Variants in CERS6 observed in about 807,000 individuals in gnomAD.
The protein encoded by CERS6 is LAG1 homolog, ceramide synthase 6.
CERS6 carries 26 observed loss-of-function variants against 56.8 expected under a neutral mutation model. That is an observed-to-expected ratio of 0.46 (90% CI 0.34 to 0.63). The LOEUF is 0.63. Ranked by LOEUF, CERS6 falls within the 30% of genes least tolerant of loss-of-function variation. The pLI is 0.01. For missense variants in CERS6, 415 were observed against 467.5 expected (o/e 0.89, Z 1.04); for synonymous variants, 164 against 173.3 (o/e 0.95, Z 0.42).
chr2:168,711,339 A>G lies in CERS6; in HGVS notation c.610-3662A>G, dbSNP rs1687083687. On this transcript the variant is annotated intron_variant, in intron 6 of 9. Transcript: ENST00000305747. Reference sequence around the variant, plus strand: ...CTCGCTCCCCGCCACATATACACAAATATGAAATTAGTAAAGACTTAAAGT... The same window carrying G: ...CTCGCTCCCCGCCACATATACACAAGTATGAAATTAGTAAAGACTTAAAGT... 2.0e-5 allele frequency among the ~76,000 whole-genome samples: 3 copies of G among 152,218 alleles called. No individual in the cohort carries two copies. In the South Asian group the frequency reaches 6.2e-4, roughly 31 times the overall value.
At chr2:168,690,334 T>C (rs1042180030) in intron 4 of CERS6, among the ~76,000 whole-genome samples, 3 of 152,320 alleles carry the variant, frequency 2.0e-5, no homozygotes, top group African/African-American at 7.2e-5. Context: ...GTGCTGGTCT[T>C]ATTGGATAAT....
intron 1 of CERS6, among the ~76,000 whole-genome samples, chr2:168,535,661 T>C (rs1695248681): frequency 7.3e-6 from 1 of 136,666 alleles, no homozygotes; most frequent in Non-Finnish European, 1.6e-5. Flanking sequence ...AACAATGTTT[T>C]GATACCAGTT....
chr2:168,717,298 T>G (rs1574186646), intron 7 of CERS6, among the ~76,000 whole-genome samples: 1 of 152,178 alleles, frequency 6.6e-6, no homozygotes, highest in East Asian at 1.9e-4. Context: ...GACACTTTCT[T>G]CATTTCTAAG....
At chr2:168,763,236 CTCTCTT>C (rs1684629030) in intron 8 of CERS6, among the ~76,000 whole-genome samples, 4 of 116,480 alleles carry the variant, frequency 3.4e-5, no homozygotes, top group Non-Finnish European at 5.4e-5. Context: ...CTCTCTCTCT[CTCTCTT>C]TTTTTTTTTT....
intron 1 of CERS6, among the ~76,000 whole-genome samples, chr2:168,510,152 A>G (rs1009127489): frequency 2.9e-4 from 44 of 152,046 alleles, no homozygotes; most frequent in African/African-American, 9.9e-4. Flanking sequence ...AAAGCCTAGA[A>G]TCTGATCCCA....
chr2:168,753,522 T>C (rs545108392), intron 8 of CERS6, among the ~76,000 whole-genome samples: 1 of 152,196 alleles, frequency 6.6e-6, no homozygotes, highest in Admixed American at 6.5e-5. Flanking sequence ...ATTTTGAGCA[T>C]CTTACAATTC....
chr2:168,701,337 A>G (rs959215077), intron 6 of CERS6, among the ~76,000 whole-genome samples: 1 of 152,168 alleles, frequency 6.6e-6, no homozygotes, highest in Non-Finnish European at 1.5e-5. Flanking sequence ...AGTACCTCTC[A>G]AAATATGCTC....
At chr2:168,560,603 G>T (rs906239871) in intron 2 of CERS6, among the ~76,000 whole-genome samples, 2 of 152,134 alleles carry the variant, frequency 1.3e-5, no homozygotes, top group African/African-American at 4.8e-5. Flanking sequence ...CCAAGAAAAC[G>T]AATAGAAGAG....
chr2:168,476,646 G>A lies in CERS6; in HGVS notation c.170+20028G>A, dbSNP rs117255113. On this transcript the variant is annotated intron_variant, in intron 1 of 9. Coordinates refer to ENST00000305747, the MANE Select transcript of CERS6 (RefSeq NM_203463.3). Reference sequence around the variant, plus strand: ...AGTCTAAGTGAAAAGGCCTGAGAACGTAGTAGGGACTGCTTTTGTAAGTCC... The same window carrying A: ...AGTCTAAGTGAAAAGGCCTGAGAACATAGTAGGGACTGCTTTTGTAAGTCC... 1.3e-3 allele frequency among the ~76,000 whole-genome samples: 204 copies of A among 152,242 alleles called. 1 individual carries two copies. The East Asian group carries it at 0.027, about 20-fold the overall frequency.
intron 1 of CERS6, among the ~76,000 whole-genome samples, chr2:168,464,536 T>C (rs147619506): frequency 1.3e-5 from 2 of 152,130 alleles, no homozygotes; most frequent in African/African-American, 4.8e-5. Context: ...AGGGAGCTTC[T>C]CAGATTTTAA....
intron 1 of CERS6, among the ~76,000 whole-genome samples, chr2:168,496,429 A>G (rs1694470803): frequency 6.6e-6 from 1 of 152,120 alleles, no homozygotes; most frequent in Non-Finnish European, 1.5e-5. Flanking sequence ...ATACTTAGAT[A>G]TAAGCGGGTG....
chr2:168,762,575 A>G (rs1684613939), intron 8 of CERS6, among the ~76,000 whole-genome samples: 1 of 152,200 alleles, frequency 6.6e-6, no homozygotes, highest in Admixed American at 6.5e-5. Context: ...ATTTATACCA[A>G]TTTGGCCTAT....
intron 4 of CERS6, among the ~76,000 whole-genome samples, chr2:168,652,356 A>G (rs756812156): frequency 5.2e-4 from 79 of 152,066 alleles, no homozygotes; most frequent in Non-Finnish European, 8.8e-4. Flanking sequence ...TTTATGAATA[A>G]CTCTAAGTTT....
chr2:168,721,563 T>G (rs1287655196), intron 8 of CERS6, among the ~76,000 whole-genome samples: 2 of 25,558 alleles, frequency 7.8e-5, no homozygotes, highest in African/African-American at 2.6e-4. Flanking sequence ...TGTTTTTTTT[T>G]TTGTTTAAAA....
Position 168,765,662 on chromosome 2 carries a change from C to T in CERS6, c.916C>T (p.Leu306=), listed in dbSNP as rs760743744. The change falls in exon 9 of 10, where the codon CTA becomes TTA. Residue 306 remains leucine (L), a synonymous_variant. Transcript: ENST00000305747. ...TTACCCTTCCTGGTGGGTTTTTAACCTACTGCTATTGCTAGTACAAGGGTT... is the reference window on the plus strand; with the variant it reads ...TTACCCTTCCTGGTGGGTTTTTAACTTACTGCTATTGCTAGTACAAGGGTT... ...GPYPSWWVFN[L]LLLLVQGLNC... 30 of 1,613,904 alleles carry T rather than the reference C, an allele frequency of 1.9e-5. No individual in the cohort carries two copies. The highest frequency in any genetic ancestry group is 2.1e-5 in the Non-Finnish European group (25 of 1,179,944).
chr2:168,662,154 C>A (rs1429483258), intron 4 of CERS6, among the ~76,000 whole-genome samples: 5 of 135,262 alleles, frequency 3.7e-5, no homozygotes, highest in South Asian at 2.3e-4. Context: ...AAATTCTGTA[C>A]AATTTCCCAT....
intron 3 of CERS6, among the ~76,000 whole-genome samples, chr2:168,561,866 T>G (rs1695796197): frequency 6.6e-6 from 1 of 152,220 alleles, no homozygotes; most frequent in Non-Finnish European, 1.5e-5. Flanking sequence ...GTGTATAAAT[T>G]ATATATCAAT....
chr2:168,525,956 C>A (rs1250540849), intron 1 of CERS6, among the ~76,000 whole-genome samples: 1 of 152,086 alleles, frequency 6.6e-6, no homozygotes, highest in Non-Finnish European at 1.5e-5. Context: ...TTGGTTATTT[C>A]TCATAAATGC....
intron 6 of CERS6, among the ~76,000 whole-genome samples, chr2:168,696,755 C>T (rs1393001611): frequency 6.6e-6 from 1 of 152,182 alleles, no homozygotes; most frequent in East Asian, 1.9e-4. Context: ...GTCCCATTCA[C>T]AAGGGCTTCT....
Sources: gnomAD v4.1 joint callset for allele counts (sites outside exome capture counted in the v4.1 genomes callset) on GRCh38, gnomAD v4.1.1 for gene constraint, MANE v1.5 for transcripts, NCBI Gene and HGNC (gene_info 2026-07-23, HGNC 2026-07-21) for gene names.